The following KCNJ5 variants were observed in gnomAD, a reference collection of about 807,000 sequenced individuals.
KCNJ5 encodes potassium inwardly rectifying channel subfamily J member 5.
Under a neutral mutation model 20.2 loss-of-function variants are expected in KCNJ5, and 12 were observed. That is an observed-to-expected ratio of 0.59 (90% CI 0.38 to 0.96). The LOEUF is 0.96. Among genes scored for constraint, KCNJ5 ranks in the 40% least tolerant of loss-of-function variants. KCNJ5 has a pLI of 0.00. For missense variants in KCNJ5, 449 were observed against 557.6 expected, an observed-to-expected ratio of 0.81 and a Z score of 1.96; for synonymous variants, 210 against 213.9, an observed-to-expected ratio of 0.98 and a Z score of 0.16.
Position 128,917,590 on chromosome 11 carries a change from GTGTTTTGTTT to G in KCNJ5, c.*896_*905del, listed in dbSNP as rs36205004. 0.63 allele frequency: 94,741 copies of G among 149,304 alleles called. 30,920 individuals are homozygous for G. Among genetic ancestry groups the G allele is most frequent in the Non-Finnish European group, 0.72 (48,528 of 67,566 alleles). The allele number at this position is 149,304 out of a possible 1,614,324, so 9.2% of individuals were successfully genotyped here. A position where few individuals can be genotyped will look rare whatever the true frequency, so the allele number is the denominator to read the frequency against. On this transcript the variant is annotated 3_prime_UTR_variant, in exon 3 of 3. Coordinates refer to ENST00000529694, the MANE Select transcript of KCNJ5 (RefSeq NM_000890.5). The stretch of plus-strand genomic sequence containing the variant: ...GCTTCTAATCATCACAGTAGTTTTT[GTGTTTTGTTT>G]TGTTTTGTTTTGTTTTGTTTTGTTT...
rs1944490705 is a variant in KCNJ5 at position 128,911,178 on chromosome 11, A to G, written c.-10-86A>G. 3 of 1,047,184 alleles carry G rather than the reference A, an allele frequency of 2.9e-6. No homozygotes were observed. The highest frequency in any genetic ancestry group is 4.4e-6 in the Non-Finnish European group (3 of 681,414). The allele number at this position is 1,047,184 out of a possible 1,614,324, so 64.9% of individuals were successfully genotyped here. A position where few individuals can be genotyped will look rare whatever the true frequency, so the allele number is the denominator to read the frequency against. On this transcript the variant is annotated intron_variant, in intron 1 of 2. Coordinates refer to ENST00000529694, the MANE Select transcript of KCNJ5 (RefSeq NM_000890.5). This position sits in a 1 kb window ranked among gnomAD's most constrained non-coding sequence, Gnocchi z 6.3. The stretch of plus-strand genomic sequence containing the variant: ...GGATAACAGAAGAGAAGCCTGGGAG[A>G]GCCCCGGGGTGGGGGTGGCCTTCCA...
Position 128,911,873 on chromosome 11 carries a change from C to G in KCNJ5, c.600C>G (p.Leu200=). Residue 200 remains leucine (L), a synonymous_variant, in exon 2 of 3, where the codon CTC becomes CTG. Coordinates refer to ENST00000529694, the MANE Select transcript of KCNJ5 (RefSeq NM_000890.5). The surrounding 1 kb of genome is among the most constrained non-coding windows in gnomAD (Gnocchi z 6.3). ...AGCCCAAGAAGAGAGCGGAGACCCT[C>G]ATGTTTTCCAACAACGCAGTCATCT... ...ISQPKKRAET[L]MFSNNAVISM... is the part of the protein sequence containing the mutation. The G allele has an allele frequency of 6.2e-7, 1 of 1,611,418 alleles. No individual in the cohort carries two copies. The highest frequency in any genetic ancestry group is 1.1e-5 in the South Asian group (1 of 91,040).
chr11:128,892,010 T>C (rs1215047161), intron 1 of KCNJ5, among the ~76,000 whole-genome samples: 1 of 152,230 alleles, frequency 6.6e-6, no homozygotes, highest in Non-Finnish European at 1.5e-5. Context: ...CAGCAGTGGT[T>C]TGAGAGGCAA....
intron 1 of KCNJ5, among the ~76,000 whole-genome samples, chr11:128,904,900 T>C (rs1278284377): frequency 1.3e-4 from 20 of 152,226 alleles, no homozygotes; most frequent in Admixed American, 1.3e-3. Context: ...CAGACCTAAG[T>C]TGATAGAACA....
chr11:128,895,686 C>T (rs531256731), intron 1 of KCNJ5, among the ~76,000 whole-genome samples: 26 of 152,354 alleles, frequency 1.7e-4, no homozygotes, highest in South Asian at 1.7e-3. Flanking sequence ...TCTTCCACAC[C>T]GGGCCTGCCT....
intron 1 of KCNJ5, among the ~76,000 whole-genome samples, chr11:128,910,576 G>C (rs1327626229): frequency 6.6e-6 from 1 of 152,224 alleles, no homozygotes; most frequent in East Asian, 1.9e-4. Context: ...AGATGAGCAG[G>C]AATCCAAAAA....
chr11:128,894,260 C>T (rs1057172592), intron 1 of KCNJ5, among the ~76,000 whole-genome samples: 1 of 151,666 alleles, frequency 6.6e-6, no homozygotes, highest in Non-Finnish European at 1.5e-5. Context: ...TTTTTGAAAA[C>T]CTTGGAATGT....
At chr11:128,903,248 T>G (rs919270335) in intron 1 of KCNJ5, 3 of 1,179,884 alleles carry the variant, frequency 2.5e-6, no homozygotes, top group Non-Finnish European at 3.5e-6. Context: ...AATATGAAAA[T>G]GAAGCTCTAA....
Position 128,891,722 on chromosome 11 carries a change from G to C in KCNJ5, c.-11+1G>C, listed in dbSNP as rs1944094997. The C allele has an allele frequency of 6.6e-6, 1 of 152,342 alleles. No homozygotes were observed. The highest frequency in any genetic ancestry group is 1.5e-5 in the Non-Finnish European group (1 of 68,132). 9.4% of individuals were successfully genotyped at this position (152,342 alleles called of 1,614,324 possible). A position where few individuals can be genotyped will look rare whatever the true frequency, so the allele number is the denominator to read the frequency against. On this transcript the variant is annotated splice_donor_variant, in intron 1 of 2. Transcript: ENST00000529694. LOFTEE classifies it low-confidence loss of function (5UTR_SPLICE). ...GACTCGGAAGCTCCGATCTCAACAAGTAAGTTGTCTTCTTTTCCTCCTCCA... is the reference window on the plus strand; with the variant it reads ...GACTCGGAAGCTCCGATCTCAACAACTAAGTTGTCTTCTTTTCCTCCTCCA...
chr11:128,917,042 A>G lies in KCNJ5; in HGVS notation c.*311A>G, dbSNP rs949289371. The G allele has an allele frequency of 3.7e-6, 1 of 273,552 alleles. No homozygotes were observed. Among genetic ancestry groups the G allele is most frequent in the African/African-American group, 2.2e-5 (1 of 45,670 alleles). The allele number at this position is 273,552 out of a possible 1,614,324, so 16.9% of individuals were successfully genotyped here. ...ATCTGTTCTCTCCATGCCCTGGGTC[A>G]CTTCCTTTTTTGGGTCTCACAGACC... On this transcript the variant is annotated 3_prime_UTR_variant, in exon 3 of 3. Transcript: ENST00000529694.
intron 1 of KCNJ5, chr11:128,905,635 C>T (rs1206644895): frequency 6.6e-6 from 1 of 152,510 alleles, no homozygotes; most frequent in Non-Finnish European, 1.5e-5. Flanking sequence ...GAGAAGCAGG[C>T]CTCTGCAGGG....
intron 1 of KCNJ5, among the ~76,000 whole-genome samples, chr11:128,895,215 A>T (rs925906498): frequency 1.3e-5 from 2 of 152,152 alleles, no homozygotes; most frequent in African/African-American, 4.8e-5. Flanking sequence ...ACCTTCTCCC[A>T]GATTTCAGGC....
In KCNJ5 at chr11:128,904,493, C is replaced by A. The variant is rs200644518; in HGVS notation, c.-10-6771C>A. On this transcript the variant is annotated intron_variant, in intron 1 of 2. Transcript: ENST00000529694. ...CATCAGCACGTTGTCCAGCTCCCAG[C>A]TGATGGCAGCGTGCGTCCAGGGCGG... The A allele has an allele frequency of 1.4e-3, 2,215 of 1,589,300 alleles. 45 individuals are homozygous for A. The South Asian group carries it at 0.023, about 16-fold the overall frequency.
At position 128,891,439 on chromosome 11, in the gene KCNJ5, C is replaced by CAGAAAGAGAGAGAGAGAGAG. The variant is rs886048000; in HGVS notation, c.-292_-291insGAAAGAGAGAGAGAGAGAGA. The CAGAAAGAGAGAGAGAGAGAG allele has an allele frequency of 2.9e-5, 2 of 68,776 alleles. No individual in the cohort carries two copies. The highest frequency in any genetic ancestry group is 1.3e-4 in the African/African-American group (2 of 15,150). 4.3% of individuals were successfully genotyped at this position (68,776 alleles called of 1,614,324 possible). A position where few individuals can be genotyped will look rare whatever the true frequency, so the allele number is the denominator to read the frequency against. On this transcript the variant is annotated 5_prime_UTR_variant, in exon 1 of 3. Coordinates refer to ENST00000529694, the MANE Select transcript of KCNJ5 (RefSeq NM_000890.5). The stretch of plus-strand genomic sequence containing the variant: ...ACACACACACACACACACACACACA[C>CAGAAAGAGAGAGAGAGAGAG]ACAGAGAGAGAGAGAGAGAGAGAGA...
chr11:128,894,286 G>A (rs1312614807), intron 1 of KCNJ5, among the ~76,000 whole-genome samples: 5 of 151,912 alleles, frequency 3.3e-5, no homozygotes, highest in South Asian at 2.1e-4. Context: ...TTGGGGCAGC[G>A]TTATGCTTTT....
At chr11:128,893,766 T>C (rs1053086790) in intron 1 of KCNJ5, among the ~76,000 whole-genome samples, 1 of 152,208 alleles carries the variant, frequency 6.6e-6, no homozygotes, top group African/African-American at 2.4e-5. Flanking sequence ...AGCTTAGCTG[T>C]CTTCTCTGGG....
chr11:128,895,008 C>CAGTT (rs917367522), intron 1 of KCNJ5, among the ~76,000 whole-genome samples: 4 of 151,434 alleles, frequency 2.6e-5, no homozygotes, highest in Admixed American at 2.0e-4. Flanking sequence ...ATCATCTGAA[C>CAGTT]AGTTGGCAGG....
chr11:128,909,321 C>G (rs1944467153), intron 1 of KCNJ5, among the ~76,000 whole-genome samples: 1 of 152,212 alleles, frequency 6.6e-6, no homozygotes, highest in Non-Finnish European at 1.5e-5. Flanking sequence ...GCTGGAGTCA[C>G]CCTCAGAATG....
chr11:128,895,823 G>A (rs1378932822), intron 1 of KCNJ5, among the ~76,000 whole-genome samples: 5 of 152,262 alleles, frequency 3.3e-5, no homozygotes, highest in Non-Finnish European at 5.9e-5. Flanking sequence ...TGCTCTTATG[G>A]AGCAGGGAAG....
Sources: allele counts gnomAD v4.1 joint callset (sites outside exome capture counted in the v4.1 genomes callset), GRCh38; gene constraint gnomAD v4.1.1; non-coding constraint Gnocchi (gnomAD v3.1); transcripts MANE v1.5; gene names NCBI Gene and HGNC (gene_info 2026-07-23, HGNC 2026-07-21).